The following WDR7 variants were observed in gnomAD, a reference collection of about 807,000 sequenced individuals.
WDR7 encodes WD repeat-containing protein 7.
Under a neutral mutation model 169.4 loss-of-function variants are expected in WDR7, and 46 were observed. The observed-to-expected ratio is 0.27, with a 90% confidence interval of 0.21 to 0.35. WDR7 has a LOEUF of 0.35. Ranked by LOEUF, WDR7 falls within the 10% of genes least tolerant of loss-of-function variation. The pLI is 1.00. For missense variants in WDR7, 1,534 were observed against 1,859.3 expected (o/e 0.83, Z 3.22); for synonymous variants, 612 against 666.8 (o/e 0.92, Z 1.27).
intron 20 of WDR7, among the ~76,000 whole-genome samples, chr18:56,816,768 A>G (rs1015303075): frequency 3.3e-5 from 5 of 152,190 alleles, no homozygotes; most frequent in Admixed American, 6.5e-5. Flanking sequence ...ATTCAGCTCA[A>G]TTTCTTTGAA....
At chr18:56,934,088 C>T (rs1315948775) in intron 22 of WDR7, among the ~76,000 whole-genome samples, 2 of 152,182 alleles carry the variant, frequency 1.3e-5, no homozygotes, top group Admixed American at 1.3e-4. Context: ...TGTTTACAGC[C>T]TTGCAGTATC....
At position 57,024,550 on chromosome 18, in the gene WDR7, T is replaced by C. The variant is rs560649793; in HGVS notation, c.4270-2454T>C. Among the ~76,000 whole-genome samples the C allele has an allele frequency of 2.9e-3, 394 of 135,234 alleles. 31 individuals are homozygous for C. Among genetic ancestry groups the C allele is most frequent in the African/African-American group, 0.013 (385 of 30,260 alleles). The allele number at this position is 135,234 out of a possible 152,430, so 88.7% of individuals were successfully genotyped here. On this transcript the variant is annotated intron_variant, in intron 27 of 27. Transcript: ENST00000254442. ...CTATTCTCAGACAGGAATAGGGATA[T>C]GTGAGCTATGATAGTTATGTCCCTT...
At position 56,938,679 on chromosome 18, in the gene WDR7, G is replaced by T. The variant is rs2046992748; in HGVS notation, c.3978G>T (p.Val1326=). ...CCACAGATGTTGTGGATCTTCTCGT[G>T]GAGGTAAGAATATCCTGTTTTAAAT... The part of the protein sequence containing the change: ...KMPTDVVDLL[V]EVMDIIMYCL... The change falls in exon 24 of 28, where the codon GTG becomes GTT. Residue 1326 remains valine (V), a synonymous_variant. Coordinates refer to ENST00000254442, the MANE Select transcript of WDR7 (RefSeq NM_015285.3). The T allele has an allele frequency of 1.2e-6, 2 of 1,613,448 alleles. No homozygotes were observed. Among genetic ancestry groups the T allele is most frequent in the Middle Eastern group, 1.7e-4 (1 of 6,058 alleles).
At chr18:56,927,561 C>A (rs1422877251) in intron 22 of WDR7, among the ~76,000 whole-genome samples, 1 of 152,048 alleles carries the variant, frequency 6.6e-6, no homozygotes, top group African/African-American at 2.4e-5. Context: ...TTGCAGTGAG[C>A]CATGATCGAA....
intron 20 of WDR7, among the ~76,000 whole-genome samples, chr18:56,834,595 T>C (rs2045367845): frequency 6.6e-6 from 1 of 152,112 alleles, no homozygotes; most frequent in African/African-American, 2.4e-5. Context: ...TTATCAGTGA[T>C]ATTCCTTAGA....
chr18:56,735,000 G>A (rs1392747342), intron 14 of WDR7, among the ~76,000 whole-genome samples: 1 of 152,148 alleles, frequency 6.6e-6, no homozygotes. Flanking sequence ...GCAAAGCTGA[G>A]GATGTAATTT....
At chr18:56,815,652 A>G (rs914278013) in intron 19 of WDR7, among the ~76,000 whole-genome samples, 12 of 152,242 alleles carry the variant, frequency 7.9e-5, no homozygotes, top group Admixed American at 6.5e-4. Flanking sequence ...ACAAACTAAC[A>G]TTAAAAAGAA....
intron 26 of WDR7, among the ~76,000 whole-genome samples, chr18:56,969,593 A>G (rs1247464921): frequency 6.6e-6 from 1 of 152,224 alleles, no homozygotes; most frequent in Non-Finnish European, 1.5e-5. Context: ...GTTACTCTAT[A>G]CTAATAGGTG....
intron 25 of WDR7, among the ~76,000 whole-genome samples, chr18:56,956,518 C>A (rs971918070): frequency 3.9e-5 from 6 of 152,080 alleles, no homozygotes; most frequent in African/African-American, 1.2e-4. Flanking sequence ...AAGTTTGTGG[C>A]CCCGAAAGAG....
chr18:56,765,933 C>A (rs1193766386), intron 16 of WDR7, among the ~76,000 whole-genome samples: 1 of 152,054 alleles, frequency 6.6e-6, no homozygotes, highest in African/African-American at 2.4e-5. Flanking sequence ...AGGTTTTAAG[C>A]CCTGCATGCT....
At chr18:56,909,144 CA>C (rs2046520364) in intron 21 of WDR7, among the ~76,000 whole-genome samples, 2 of 152,036 alleles carry the variant, frequency 1.3e-5, no homozygotes, top group Non-Finnish European at 2.9e-5. Flanking sequence ...GTTTGTTACC[CA>C]AGATCAAACA....
chr18:56,784,583 G>A (rs900290651), intron 19 of WDR7, among the ~76,000 whole-genome samples: 2 of 152,138 alleles, frequency 1.3e-5, no homozygotes, highest in African/African-American at 4.8e-5. Flanking sequence ...CTTAAATGGG[G>A]ATGAAGATGG....
chr18:56,935,385 G>A (rs1016919278), intron 22 of WDR7, among the ~76,000 whole-genome samples: 2 of 152,104 alleles, frequency 1.3e-5, no homozygotes, highest in South Asian at 4.1e-4. Flanking sequence ...CTTCCTTTCA[G>A]ATATACAACC....
intron 21 of WDR7, among the ~76,000 whole-genome samples, chr18:56,887,236 G>A (rs2046209795): frequency 6.6e-6 from 1 of 152,238 alleles, no homozygotes; most frequent in African/African-American, 2.4e-5. Flanking sequence ...TATGGAAAGG[G>A]GTTCTGGAGT....
downstream of WDR7, chr18:57,032,834 T>TATATATATATATAC (rs2048449802): frequency 2.0e-5 from 2 of 98,552 alleles, no homozygotes; most frequent in African/African-American, 9.6e-5. Context: ...TATATATATA[T>TATATATATATATAC]ATATATATAT....
intron 20 of WDR7, among the ~76,000 whole-genome samples, chr18:56,862,605 CT>C (rs1330022981): frequency 6.6e-6 from 1 of 151,550 alleles, no homozygotes; most frequent in Non-Finnish European, 1.5e-5. Flanking sequence ...AAATAAAACC[CT>C]GTCTTGATAA....
chr18:56,938,556 A>C lies in WDR7; in HGVS notation c.3855A>C (p.Ala1285=), dbSNP rs780152303. 15 of 1,613,978 alleles carry C rather than the reference A, an allele frequency of 9.3e-6. No individual in the cohort carries two copies. The South Asian group carries it at 9.9e-5, about 11-fold the overall frequency. Reference sequence around the variant, plus strand: ...AGGTACACAGACATACGGCTCTTGCAGCAAATACCCAATCACAGCAGAATA... The same window carrying C: ...AGGTACACAGACATACGGCTCTTGCCGCAAATACCCAATCACAGCAGAATA... ...AKEVHRHTAL[A]ANTQSQQNMH... is the part of the protein sequence containing the mutation. The change falls in exon 24 of 28, where the codon GCA becomes GCC. Residue 1285 remains alanine, a synonymous_variant. Transcript: ENST00000254442.
chr18:56,676,032 TG>T (rs1289418089), intron 2 of WDR7, among the ~76,000 whole-genome samples: 1 of 152,148 alleles, frequency 6.6e-6, no homozygotes, highest in Non-Finnish European at 1.5e-5. Flanking sequence ...TAATAATATT[TG>T]CTTTATATAT....
At chr18:56,666,976 CAG>C (rs2025039429) in intron 1 of WDR7, among the ~76,000 whole-genome samples, 1 of 151,012 alleles carries the variant, frequency 6.6e-6, no homozygotes, top group African/African-American at 2.4e-5. Flanking sequence ...CAGCAGGAGA[CAG>C]AGCGTTATTT....
Sources: allele counts gnomAD v4.1 joint callset (sites outside exome capture counted in the v4.1 genomes callset), GRCh38; gene constraint gnomAD v4.1.1; transcripts MANE v1.5; gene names NCBI Gene and HGNC (gene_info 2026-07-23, HGNC 2026-07-21).